Variants in DNM1L observed in about 807,000 individuals in gnomAD.
DNM1L encodes the protein dynamin 1L, also known as dynamin-1-like protein.
A neutral mutation model predicts 92.8 loss-of-function variants in DNM1L; 33 were observed. The observed-to-expected ratio is 0.36, with a 90% CI of 0.27 to 0.48. DNM1L has a LOEUF of 0.48. Among genes scored for constraint, DNM1L ranks in the 20% least tolerant of loss-of-function variants. The pLI is 0.99. For synonymous variants in DNM1L, 284 were observed against 305.0 expected, an observed-to-expected ratio of 0.93 and a Z score of 0.72; for missense variants, 485 against 888.8, an observed-to-expected ratio of 0.55 and a Z score of 5.78.
chr12:32,681,461 G>A (rs1161598913), intron 1 of DNM1L, among the ~76,000 whole-genome samples: 2 of 152,048 alleles, frequency 1.3e-5, no homozygotes, highest in Non-Finnish European at 2.9e-5. Flanking sequence ...TGAGGTGGGA[G>A]GATCACCTGA....
chr12:32,684,639 T>C (rs985659637), intron 1 of DNM1L, among the ~76,000 whole-genome samples: 16 of 152,210 alleles, frequency 1.1e-4, no homozygotes, highest in Admixed American at 1.0e-3. Flanking sequence ...GCTAATTTTT[T>C]TGTATTTTTA....
chr12:32,739,000 C>G (rs1473962161), intron 16 of DNM1L, among the ~76,000 whole-genome samples: 1 of 152,180 alleles, frequency 6.6e-6, no homozygotes, highest in African/African-American at 2.4e-5. Flanking sequence ...TGACGTCACA[C>G]TGAATGTGCT....
intron 2 of DNM1L, among the ~76,000 whole-genome samples, chr12:32,702,971 C>T (rs1565502989): frequency 6.8e-6 from 1 of 147,372 alleles, no homozygotes. Flanking sequence ...TATAAAATTT[C>T]ATCCCCACTG....
chr12:32,727,127 C>T (rs1565529269), intron 9 of DNM1L: 2 of 751,042 alleles, frequency 2.7e-6, no homozygotes, highest in Non-Finnish European at 4.9e-6. Flanking sequence ...CTTTCAACTC[C>T]TCTGAAATCT....
At position 32,731,862 on chromosome 12, in the gene DNM1L, A is replaced by G; in HGVS notation, c.1365A>G (p.Leu455=). The G allele has an allele frequency of 6.2e-7, 1 of 1,613,014 alleles. No homozygotes were observed. Among genetic ancestry groups the G allele is most frequent in the African/African-American group, 1.3e-5 (1 of 75,028 alleles). Residue 455 remains leucine (L), a synonymous_variant, in exon 12 of 20, where the codon TTA becomes TTG. Transcript: ENST00000549701. The surrounding 1 kb of genome is among the most constrained non-coding windows in gnomAD (Gnocchi z 5.1). ...HCSNYSTQEL[L]RFPKLHDAIV... is the part of the protein sequence containing the mutation. Reference sequence around the variant, plus strand: ...TCATCTACCATTTGTAGGAATTGTTACGATTTCCTAAACTTCATGATGCCA... The same window carrying G: ...TCATCTACCATTTGTAGGAATTGTTGCGATTTCCTAAACTTCATGATGCCA...
chr12:32,729,470 C>T (rs1189940939), intron 9 of DNM1L, among the ~76,000 whole-genome samples: 2 of 152,086 alleles, frequency 1.3e-5, no homozygotes, highest in Non-Finnish European at 2.9e-5. Context: ...TACTTTATTA[C>T]TTTGAGACAG....
intron 7 of DNM1L, among the ~76,000 whole-genome samples, chr12:32,719,357 T>C (rs1271660582): frequency 6.6e-6 from 1 of 152,208 alleles, no homozygotes; most frequent in Non-Finnish European, 1.5e-5. Context: ...TGTTAAGCTA[T>C]GTATGAGGAG....
intron 1 of DNM1L, among the ~76,000 whole-genome samples, chr12:32,700,460 A>G (rs961205610): frequency 4.6e-5 from 7 of 152,068 alleles, no homozygotes; most frequent in Non-Finnish European, 7.4e-5. Flanking sequence ...AAATAAAAGC[A>G]GGTTAGGCCA....
At chr12:32,712,672 A>AAG (rs1565512302) in intron 5 of DNM1L, among the ~76,000 whole-genome samples, 18 of 148,234 alleles carry the variant, frequency 1.2e-4, no homozygotes, top group Non-Finnish European at 2.0e-4. Flanking sequence ...AAAAAAAAAA[A>AAG]AAAAAAGAAA....
chr12:32,732,716 C>G (rs1954630642), intron 12 of DNM1L: 2 of 401,706 alleles, frequency 5.0e-6, no homozygotes, highest in African/African-American at 2.1e-5. Flanking sequence ...TTAATAGACC[C>G]TTTTTACCCA....
intron 1 of DNM1L, among the ~76,000 whole-genome samples, chr12:32,694,936 G>C (rs1328907722): frequency 6.6e-6 from 1 of 152,094 alleles, no homozygotes; most frequent in East Asian, 1.9e-4. Context: ...ATCGATAATG[G>C]GTGAGTGAAA....
At chr12:32,726,761 T>G (rs544940959) in intron 9 of DNM1L, 1 of 614,764 alleles carries the variant, frequency 1.6e-6, no homozygotes, top group African/African-American at 1.9e-5. Context: ...CATTCTTTCC[T>G]TTTTTCCAAT....
At chr12:32,715,162 T>C (rs1006443294) in intron 6 of DNM1L, among the ~76,000 whole-genome samples, 8 of 151,218 alleles carry the variant, frequency 5.3e-5, no homozygotes, top group Admixed American at 4.0e-4. Flanking sequence ...GGCACAATCA[T>C]GCCTCACTGC....
At chr12:32,739,905 A>G in intron 16 of DNM1L, 159 bp from the exon 17 acceptor site, 2 of 875,474 alleles carry the variant, frequency 2.3e-6, no homozygotes, top group South Asian at 1.6e-5. Flanking sequence ...GGTTCCAGTT[A>G]TACATGCTAC....
chr12:32,685,707 A>G (rs187348157), intron 1 of DNM1L, among the ~76,000 whole-genome samples: 7 of 151,604 alleles, frequency 4.6e-5, no homozygotes, highest in Middle Eastern at 6.8e-3. Context: ...AGGTTTCTGC[A>G]CATCCTTATC....
intron 4 of DNM1L, among the ~76,000 whole-genome samples, chr12:32,708,919 C>G (rs887848702): frequency 1.3e-5 from 2 of 152,032 alleles, no homozygotes; most frequent in African/African-American, 4.8e-5. Flanking sequence ...TATTTCCCTT[C>G]CTTTTTGTTC....
At chr12:32,680,663 T>C (rs565732377) in intron 1 of DNM1L, among the ~76,000 whole-genome samples, 2 of 152,348 alleles carry the variant, frequency 1.3e-5, no homozygotes, top group East Asian at 3.9e-4. Context: ...ATATTTGTAA[T>C]GTTTGGAGAC....
chr12:32,693,390 A>T lies in DNM1L; in HGVS notation c.103-8025A>T, dbSNP rs754495428. On this transcript the variant is annotated intron_variant, in intron 1 of 19. Coordinates refer to ENST00000549701, the MANE Select transcript of DNM1L (RefSeq NM_012062.5). Reference sequence around the variant, plus strand: ...CATTTTGGTTACCAGTTACTTATGGATCACAAATGTTTTCCCTGAATTTTT... The same window carrying T: ...CATTTTGGTTACCAGTTACTTATGGTTCACAAATGTTTTCCCTGAATTTTT... 3.9e-5 allele frequency among the ~76,000 whole-genome samples: 6 copies of T among 152,186 alleles called. 1 individual carries two copies. The highest frequency in any genetic ancestry group is 7.3e-5 in the Non-Finnish European group (5 of 68,030).
At chr12:32,726,647 G>T in intron 9 of DNM1L, 2 of 787,972 alleles carry the variant, frequency 2.5e-6, no homozygotes, top group Non-Finnish European at 4.2e-6. Context: ...CTTCAGGAGG[G>T]GCAAGAAAAT....
Sources: gnomAD v4.1 joint callset for allele counts (sites outside exome capture counted in the v4.1 genomes callset) on GRCh38, gnomAD v4.1.1 for gene constraint, Gnocchi (gnomAD v3.1) non-coding constraint, MANE v1.5 for transcripts, NCBI Gene and HGNC (gene_info 2026-07-23, HGNC 2026-07-21) for gene names.